Variants in LAMA2 observed in about 807,000 individuals in gnomAD.
LAMA2 encodes laminin subunit alpha 2.
LAMA2 carries 269 observed loss-of-function variants against 364.8 expected under a neutral mutation model. The observed-to-expected ratio is 0.74, with a 90% confidence interval of 0.67 to 0.82. The LOEUF is 0.82. LAMA2 is among the 40% of genes least tolerant of loss of function. The probability of loss-of-function intolerance (pLI) is 0.00; values close to 1 mark genes in which losing one functional copy is unlikely to be tolerated. For synonymous variants in LAMA2, 1,379 were observed against 1,370.6 expected (o/e 1.01, Z -0.14); for missense variants, 3,807 against 3,873.2 (o/e 0.98, Z 0.45).
intron 1 of LAMA2, among the ~76,000 whole-genome samples, chr6:129,047,500 G>A (rs1369898697): frequency 6.6e-6 from 1 of 152,180 alleles, no homozygotes; most frequent in Non-Finnish European, 1.5e-5. Context: ...CAAGGCAGGA[G>A]GCCAGATGAG....
intron 4 of LAMA2, among the ~76,000 whole-genome samples, chr6:129,108,799 T>C (rs910779120): frequency 6.6e-6 from 1 of 152,086 alleles, no homozygotes; most frequent in African/African-American, 2.4e-5. Flanking sequence ...GACATGTTAT[T>C]CCTCTAAAAG....
chr6:129,383,082 A>T lies in LAMA2; in HGVS notation c.4960-40A>T, dbSNP rs1219205870. 2.6e-6 allele frequency: 4 copies of T among 1,516,990 alleles called. No individual in the cohort carries two copies. In the African/African-American group the frequency reaches 4.1e-5, roughly 16 times the overall value. The allele number at this position is 1,516,990 out of a possible 1,614,324, so 94.0% of individuals were successfully genotyped here. ...GAGCTTATCTAGCTGTAGCTTCATC[A>T]TCTCTATTAATTATGTGTTTCCCGA... On this transcript the variant is annotated intron_variant, in intron 34 of 64. Transcript: ENST00000421865.
chr6:129,153,220 A>G (rs1778916938), intron 7 of LAMA2, among the ~76,000 whole-genome samples: 1 of 152,226 alleles, frequency 6.6e-6, no homozygotes, highest in Non-Finnish European at 1.5e-5. Context: ...TCAATTGCTA[A>G]CTTCTTTATA....
At chr6:129,071,626 T>A (rs1364575020) in intron 3 of LAMA2, among the ~76,000 whole-genome samples, 1 of 152,186 alleles carries the variant, frequency 6.6e-6, no homozygotes, top group Non-Finnish European at 1.5e-5. Flanking sequence ...TTTTAAAATA[T>A]ATTCTAATTT....
intron 58 of LAMA2, among the ~76,000 whole-genome samples, chr6:129,496,998 T>G (rs1008121982): frequency 5.3e-5 from 8 of 152,238 alleles, no homozygotes; most frequent in Admixed American, 1.3e-4. Flanking sequence ...ATTCTTTTGT[T>G]AGTTTAACTT....
intron 12 of LAMA2, among the ~76,000 whole-genome samples, chr6:129,237,933 C>T (rs1201502339): frequency 2.0e-5 from 3 of 148,986 alleles, no homozygotes; most frequent in African/African-American, 5.0e-5. Flanking sequence ...CTGAGGCAGG[C>T]GAATCCCTGA....
chr6:129,268,306 A>G (rs1167411395), intron 16 of LAMA2, among the ~76,000 whole-genome samples: 1 of 152,056 alleles, frequency 6.6e-6, no homozygotes, highest in African/African-American at 2.4e-5. Context: ...AGTGATTTTC[A>G]TTTTAATTAT....
Position 128,950,310 on chromosome 6 carries a change from G to A in LAMA2, c.112+66953G>A, listed in dbSNP as rs555673025. Among the ~76,000 whole-genome samples the A allele has an allele frequency of 5.3e-5, 8 of 152,210 alleles. 1 individual carries two copies. The South Asian group carries it at 1.7e-3, about 32-fold the overall frequency. On this transcript the variant is annotated intron_variant, in intron 1 of 64. Coordinates refer to ENST00000421865, the MANE Select transcript of LAMA2 (RefSeq NM_000426.4). Reference sequence around the variant, plus strand: ...CAGGAAGATATGTTCAAAGCAGAAGGGTAAAGGGCACTGATTGTTCAAGAA... The same window carrying A: ...CAGGAAGATATGTTCAAAGCAGAAGAGTAAAGGGCACTGATTGTTCAAGAA...
chr6:129,192,961 T>C (rs1323240596), intron 12 of LAMA2, 108 bp downstream of exon 12: 2 of 1,172,788 alleles, frequency 1.7e-6, no homozygotes. Flanking sequence ...ACACACTGAA[T>C]TGGATTGCCA....
chr6:128,895,468 T>TAAAAAAAA (rs34458994), intron 1 of LAMA2, among the ~76,000 whole-genome samples: 2 of 65,828 alleles, frequency 3.0e-5, no homozygotes, highest in African/African-American at 5.3e-5. Flanking sequence ...CTGTCTCTAC[T>TAAAAAAAA]AAAAAAAAAA....
rs1436270228 is a variant in LAMA2 at position 129,514,639 on chromosome 6, G to GT, written c.9211+46dup. On this transcript the variant is annotated intron_variant, in intron 64 of 64. Coordinates refer to ENST00000421865, the MANE Select transcript of LAMA2 (RefSeq NM_000426.4). Reference sequence around the variant, plus strand: ...AGCAACAATTTCTTTGCTCTCTTATGTTACTGGTTTTGAAAACATTTATAT... The same window carrying GT: ...AGCAACAATTTCTTTGCTCTCTTATGTTTACTGGTTTTGAAAACATTTATAT... The GT allele has an allele frequency of 6.2e-6, 9 of 1,455,260 alleles. No homozygotes were observed. In the African/African-American group the frequency reaches 1.3e-4, roughly 20 times the overall value. 90.1% of individuals were successfully genotyped at this position (1,455,260 alleles called of 1,614,324 possible).
At chr6:128,969,696 G>C (rs1782072035) in intron 1 of LAMA2, among the ~76,000 whole-genome samples, 1 of 152,076 alleles carries the variant, frequency 6.6e-6, no homozygotes, top group Non-Finnish European at 1.5e-5. Context: ...CTCCCAAAGT[G>C]CTGGGACTAC....
chr6:129,469,512 A>G (rs1225942719), intron 51 of LAMA2, among the ~76,000 whole-genome samples: 1 of 151,944 alleles, frequency 6.6e-6, no homozygotes, highest in Non-Finnish European at 1.5e-5. Context: ...ATAAAGTGGC[A>G]TAACATTGGA....
At chr6:129,144,900 C>T (rs564617615) in intron 5 of LAMA2, among the ~76,000 whole-genome samples, 2 of 151,904 alleles carry the variant, frequency 1.3e-5, no homozygotes, top group Non-Finnish European at 2.9e-5. Context: ...AGATGATCAA[C>T]CCAGATTGCT....
At chr6:129,016,617 C>A (rs1259196949) in intron 1 of LAMA2, among the ~76,000 whole-genome samples, 1 of 151,750 alleles carries the variant, frequency 6.6e-6, no homozygotes, top group Non-Finnish European at 1.5e-5. Flanking sequence ...ATATAACATT[C>A]AAAAATAGAT....
chr6:129,237,046 T>A (rs1439191831), intron 12 of LAMA2, among the ~76,000 whole-genome samples: 1 of 152,214 alleles, frequency 6.6e-6, no homozygotes, highest in African/African-American at 2.4e-5. Context: ...TTTGTAACCT[T>A]GAACAAGTTA....
At chr6:129,417,738 T>C (rs1176273797) in intron 40 of LAMA2, among the ~76,000 whole-genome samples, 1 of 152,098 alleles carries the variant, frequency 6.6e-6, no homozygotes, top group Non-Finnish European at 1.5e-5. Context: ...GCCTCCCTAA[T>C]GTGCTCCTTG....
At chr6:129,431,249 A>G (rs914297676) in intron 41 of LAMA2, among the ~76,000 whole-genome samples, 5 of 152,024 alleles carry the variant, frequency 3.3e-5, no homozygotes, top group Admixed American at 3.3e-4. Flanking sequence ...AAACGCAAAA[A>G]TTAGCTGGGC....
chr6:129,453,895 A>G (rs1020749513), intron 46 of LAMA2, among the ~76,000 whole-genome samples: 2 of 151,408 alleles, frequency 1.3e-5, no homozygotes, highest in Non-Finnish European at 2.9e-5. Flanking sequence ...TCTCAAAATT[A>G]GACTTAATTT....
Sources: gnomAD v4.1 joint callset for allele counts (sites outside exome capture counted in the v4.1 genomes callset) on GRCh38, gnomAD v4.1.1 for gene constraint, MANE v1.5 for transcripts, NCBI Gene and HGNC (gene_info 2026-07-23, HGNC 2026-07-21) for gene names.